The following GTF2F1 variants were observed in gnomAD, a reference collection of about 807,000 sequenced individuals.
The protein encoded by GTF2F1 is general transcription factor IIF subunit 1, also known as general transcription factor IIF 74 kDa subunit.
In GTF2F1, 39 loss-of-function variants were observed where a neutral mutation model predicts 63.5. The ratio of observed to expected loss-of-function variants is 0.61; its 90% CI spans 0.48 to 0.80. The LOEUF is 0.80. Ranked by LOEUF, GTF2F1 falls within the 30% of genes least tolerant of loss-of-function variation. The probability of loss-of-function intolerance (pLI) is 0.00; values close to 1 mark genes in which losing one functional copy is unlikely to be tolerated. For missense variants in GTF2F1, 657 were observed against 718.3 expected (o/e 0.91, Z 0.97); for synonymous variants, 287 against 285.3 (o/e 1.01, Z -0.06).
chr19:6,384,244 A>G (rs1196645759), intron 5 of GTF2F1, among the ~76,000 whole-genome samples: 1 of 150,168 alleles, frequency 6.7e-6, no homozygotes, highest in African/African-American at 2.4e-5. Context: ...GCGGTGGCTC[A>G]CGCCTGTAAT....
chr19:6,381,917 T>C lies in GTF2F1; in HGVS notation c.683-67A>G. 1 of 1,382,802 alleles carries C rather than the reference T, an allele frequency of 7.2e-7. No homozygotes were observed. The highest frequency in any genetic ancestry group is 1.0e-6 in the Non-Finnish European group (1 of 995,912). The allele number at this position is 1,382,802 out of a possible 1,614,324, so 85.7% of individuals were successfully genotyped here. ...GGAAGGCAGTGGGTATTTATTGTGTTTTTCACATTTTGTGCAGTTTTGACA... is the reference window on the plus strand; with the variant it reads ...GGAAGGCAGTGGGTATTTATTGTGTCTTTCACATTTTGTGCAGTTTTGACA... On this transcript the variant is annotated intron_variant, in intron 6 of 12. Coordinates refer to ENST00000394456, the MANE Select transcript of GTF2F1 (RefSeq NM_002096.3). This position sits in a 1 kb window ranked among gnomAD's most constrained non-coding sequence, Gnocchi z 4.1.
Position 6,383,182 on chromosome 19 carries a change from G to A in GTF2F1, c.682+129C>T, listed in dbSNP as rs1029512710. 2.1e-5 allele frequency: 20 copies of A among 947,142 alleles called. No homozygotes were observed. The highest frequency in any genetic ancestry group is 1.6e-4 in the Admixed American group (8 of 50,116). 58.7% of individuals were successfully genotyped at this position (947,142 alleles called of 1,614,324 possible). ...CTCTCAAAGTGCTGGGATGACAGGC[G>A]TGAGCCACTGTGCCCGGCCCCACTT... On this transcript the variant is annotated intron_variant, in intron 6 of 12. Transcript: ENST00000394456. This position sits in a 1 kb window ranked among gnomAD's most constrained non-coding sequence, Gnocchi z 4.5.
At chr19:6,388,973 G>A (rs923352449) in intron 4 of GTF2F1, among the ~76,000 whole-genome samples, 1 of 151,766 alleles carries the variant, frequency 6.6e-6, no homozygotes, top group Non-Finnish European at 1.5e-5. Flanking sequence ...TGGGCACGGT[G>A]GCTCACGCCT....
At chr19:6,385,562 C>T (rs575153962) in intron 5 of GTF2F1, among the ~76,000 whole-genome samples, 105 of 152,230 alleles carry the variant, frequency 6.9e-4, no homozygotes, top group African/African-American at 2.4e-3. Context: ...AATGATTGAT[C>T]GACTGATTTT....
chr19:6,383,576 AC>A lies in GTF2F1; in HGVS notation c.498-82del. ...GCTTGCAGGGGGCGAGCCCCAGGGC[AC>A]CACCCACATAGCCTTCAAGGTGATG... On this transcript the variant is annotated intron_variant, in intron 5 of 12. Transcript: ENST00000394456. The surrounding 1 kb of genome is among the most constrained non-coding windows in gnomAD (Gnocchi z 4.5). 6.8e-7 allele frequency: 1 copy of A among 1,462,034 alleles called. No individual in the cohort carries two copies. Among genetic ancestry groups the A allele is most frequent in the Non-Finnish European group, 9.4e-7 (1 of 1,061,870 alleles). 90.6% of individuals were successfully genotyped at this position (1,462,034 alleles called of 1,614,324 possible). A position where few individuals can be genotyped will look rare whatever the true frequency, so the allele number is the denominator to read the frequency against.
chr19:6,381,626 G>A lies in GTF2F1; in HGVS notation c.837-11C>T, dbSNP rs113337492. 40,525 of 1,613,962 alleles carry A rather than the reference G, an allele frequency of 0.025. 593 individuals are homozygous for A. The highest frequency in any genetic ancestry group is 0.035 in the Middle Eastern group (213 of 6,062). On this transcript the variant is annotated splice_polypyrimidine_tract_variant and intron_variant, in intron 7 of 12. Transcript: ENST00000394456. The surrounding 1 kb of genome is among the most constrained non-coding windows in gnomAD (Gnocchi z 4.1). ...TCTTCTTGGGAGCTACTGTAAGACG[G>A]GGATGGCAAAGGATGAGCGCGCGCT...
Position 6,387,623 on chromosome 19 carries a change from C to A in GTF2F1, c.327-64G>T. The A allele has an allele frequency of 1.5e-6, 2 of 1,347,024 alleles. 1 individual carries two copies. The highest frequency in any genetic ancestry group is 2.1e-6 in the Non-Finnish European group (2 of 954,014). 83.4% of individuals were successfully genotyped at this position (1,347,024 alleles called of 1,614,324 possible). Reference sequence around the variant, plus strand: ...CAGCCCCAGCCCCCCCGTGTCCCCCCGGGGCCTGCCTCCTTTATGGCACTT... The same window carrying A: ...CAGCCCCAGCCCCCCCGTGTCCCCCAGGGGCCTGCCTCCTTTATGGCACTT... On this transcript the variant is annotated intron_variant, in intron 4 of 12. Transcript: ENST00000394456.
rs1255997902 is a variant in GTF2F1 at position 6,381,017 on chromosome 19, T to A, written c.1118A>T (p.Glu373Val). 1 of 1,611,856 alleles carries A rather than the reference T, an allele frequency of 6.2e-7. No individual in the cohort carries two copies. Among genetic ancestry groups the A allele is most frequent in the South Asian group, 1.1e-5 (1 of 90,560 alleles). ...MAKKKTPPKR[E>V]RKPSGGSSRG... ...TGAGCTCCCTCCCGACGGCTTCCGC[T>A]CTCTCTTGGGTGGCGTCTTCTTCTT... Residue 373 changes from glutamate (E) to valine (V), a missense_variant, in exon 11 of 13, where the codon GAG becomes GTG. Coordinates refer to ENST00000394456, the MANE Select transcript of GTF2F1 (RefSeq NM_002096.3). The surrounding 1 kb of genome is among the most constrained non-coding windows in gnomAD (Gnocchi z 4.1).
Position 6,380,573 on chromosome 19 carries a change from C to A in GTF2F1, c.1349G>T (p.Gly450Val), listed in dbSNP as rs1435334725. Residue 450 changes from glycine to valine, a missense_variant and splice_region_variant, in exon 12 of 13, where the codon GGC (glycine) becomes GTC (valine). By Grantham distance (109) the Gly-to-Val change is moderately radical. Around this residue, in one of 2 missense-constraint regions of GTF2F1, gnomAD observed 602 missense variants for 625.6 expected, o/e 0.96. Coordinates refer to ENST00000394456, the MANE Select transcript of GTF2F1 (RefSeq NM_002096.3). The surrounding 1 kb of genome is among the most constrained non-coding windows in gnomAD (Gnocchi z 5.3). ...PPSGKTTPNS[G>V]DVQVTEDAVR... ...CCCCCTGCTGTCCTCGTCAACTTAC[C>A]CGCTGTTGGGTGTTGTCTTGCCTGA... 2.5e-6 allele frequency: 4 copies of A among 1,613,770 alleles called. No individual in the cohort carries two copies. In the East Asian group the frequency reaches 8.9e-5, roughly 36 times the overall value.
At chr19:6,391,470 T>G (rs2091997547) in intron 3 of GTF2F1, among the ~76,000 whole-genome samples, 1 of 132,146 alleles carries the variant, frequency 7.6e-6, no homozygotes, top group Admixed American at 7.8e-5. Context: ...TTTTTTTTTT[T>G]GAGGCAGGGT....
At chr19:6,389,974 C>T (rs1006841946) in intron 3 of GTF2F1, among the ~76,000 whole-genome samples, 3 of 152,240 alleles carry the variant, frequency 2.0e-5, no homozygotes, top group Admixed American at 6.5e-5. Context: ...TCCCTATTAT[C>T]TACAGCAGGC....
chr19:6,391,432 C>T (rs997700981), intron 3 of GTF2F1, among the ~76,000 whole-genome samples: 1 of 145,710 alleles, frequency 6.9e-6, no homozygotes, highest in South Asian at 2.2e-4. Flanking sequence ...GGGCCTTTGC[C>T]ATTTCCGTTT....
rs752415303 is a variant in GTF2F1 at position 6,392,852 on chromosome 19, C to T, written c.59+5G>A. On this transcript the variant is annotated splice_donor_5th_base_variant and intron_variant, in intron 2 of 12. Coordinates refer to ENST00000394456, the MANE Select transcript of GTF2F1 (RefSeq NM_002096.3). ...GAGGAGTGGGAGATGGGGCTGGGGA[C>T]TTACTTAGGAACTCGAACGACGTAT... The T allele has an allele frequency of 1.2e-6, 2 of 1,613,444 alleles. No homozygotes were observed. Among genetic ancestry groups the T allele is most frequent in the African/African-American group, 2.7e-5 (2 of 74,892 alleles).
Position 6,392,892 on chromosome 19 carries a change from G to C in GTF2F1, c.24C>G (p.Ser8Arg). The C allele has an allele frequency of 6.2e-7, 1 of 1,614,136 alleles. No individual in the cohort carries two copies. Among genetic ancestry groups the C allele is most frequent in the South Asian group, 1.1e-5 (1 of 91,086 alleles). The part of the protein sequence containing the change: MAALGPS[S>R]QNVTEYVVRV... ...GAACGACGTATTCAGTGACATTCTGGCTGCTAGGGCCCTGCGGAAAGAGGA... is the reference window on the plus strand; with the variant it reads ...GAACGACGTATTCAGTGACATTCTGCCTGCTAGGGCCCTGCGGAAAGAGGA... Residue 8 changes from serine (S) to arginine (R), a missense_variant, in exon 2 of 13, where the codon AGC becomes AGG. Around this residue, in one of 2 missense-constraint regions of GTF2F1, gnomAD observed 602 missense variants for 625.6 expected, o/e 0.96. Transcript: ENST00000394456.
intron 3 of GTF2F1, among the ~76,000 whole-genome samples, chr19:6,391,149 C>T (rs964784814): frequency 2.0e-5 from 3 of 152,156 alleles, no homozygotes; most frequent in Non-Finnish European, 2.9e-5. Flanking sequence ...GTTTATTTGC[C>T]CTCAAACCCA....
intron 5 of GTF2F1, among the ~76,000 whole-genome samples, chr19:6,385,321 G>A (rs1478586512): frequency 6.7e-6 from 1 of 149,246 alleles, no homozygotes; most frequent in Non-Finnish European, 1.5e-5. Context: ...AAACCCAGGA[G>A]GTCGAGGTTG....
intron 3 of GTF2F1, 151 bp downstream of exon 3, chr19:6,391,751 C>A: frequency 1.7e-6 from 1 of 582,218 alleles, no homozygotes; most frequent in Non-Finnish European, 3.1e-6. Context: ...CTGCACCCAA[C>A]CCTTTGTCAT....
At chr19:6,388,601 C>T (rs1028514868) in intron 4 of GTF2F1, among the ~76,000 whole-genome samples, 4 of 152,184 alleles carry the variant, frequency 2.6e-5, no homozygotes, top group Admixed American at 2.0e-4. Flanking sequence ...TTGTGGCACT[C>T]AGAGCTGCCT....
chr19:6,389,328 C>A, intron 4 of GTF2F1, 116 bp downstream of exon 4: 2 of 638,818 alleles, frequency 3.1e-6, no homozygotes, highest in Non-Finnish European at 5.1e-6. Context: ...GCCAGCACTT[C>A]CACTGCAGCA....
Sources: gnomAD v4.1 joint callset for allele counts (sites outside exome capture counted in the v4.1 genomes callset) on GRCh38, gnomAD v4.1.1 for gene constraint, gnomAD v4.1.1 regional missense constraint, Gnocchi (gnomAD v3.1) non-coding constraint, MANE v1.5 for transcripts, NCBI Gene and HGNC (gene_info 2026-07-23, HGNC 2026-07-21) for gene names.